The following PRKCG variants were observed in gnomAD, a reference collection of about 807,000 sequenced individuals.
PRKCG encodes protein kinase C gamma type.
A neutral mutation model predicts 82.0 loss-of-function variants in PRKCG; 28 were observed. That is an observed-to-expected ratio of 0.34 (90% CI 0.25 to 0.47). The LOEUF is 0.47. PRKCG is among the 20% of genes least tolerant of loss of function. The probability of loss-of-function intolerance (pLI) is 1.00; values close to 1 mark genes in which losing one functional copy is unlikely to be tolerated. For missense variants in PRKCG, 640 were observed against 952.7 expected, an observed-to-expected ratio of 0.67 and a Z score of 4.32; for synonymous variants, 383 against 376.6, an observed-to-expected ratio of 1.02 and a Z score of -0.20.
In PRKCG at chr19:53,906,454, C is replaced by A. The variant is rs1317474781; in HGVS notation, c.1902C>A (p.Arg634=). ...AGATCCCGCCTCCTTTCAGACCCCG[C>A]CCGGTCAGTCACCCTCCAGGCAACA... ...RLEIPPPFRP[R]PCGRSGENFD... The change falls in exon 17 of 18, where the codon CGC becomes CGA. Residue 634 remains arginine, a synonymous_variant. Coordinates refer to ENST00000263431, the MANE Select transcript of PRKCG (RefSeq NM_002739.5). 6.4e-7 allele frequency: 1 copy of A among 1,574,732 alleles called. No homozygotes were observed. The highest frequency in any genetic ancestry group is 8.6e-7 in the Non-Finnish European group (1 of 1,159,474).
At chr19:53,897,222 C>G (rs980824679) in intron 9 of PRKCG, among the ~76,000 whole-genome samples, 6 of 152,152 alleles carry the variant, frequency 3.9e-5, no homozygotes, top group Admixed American at 3.9e-4. Flanking sequence ...GAGACATGAC[C>G]TGGTTTATTT....
intron 16 of PRKCG, among the ~76,000 whole-genome samples, 193 bp from the exon 17 acceptor site, chr19:53,906,106 CTTCTTCTTCTTCTTTTCT>C (rs1414592499): frequency 3.0e-4 from 27 of 89,658 alleles, no homozygotes; most frequent in South Asian, 2.4e-3. Context: ...TCTTCTTCTT[CTTCTTCTTCTTCTTTTCT>C]TCTCTCTCTC....
At chr19:53,898,408 A>G (rs1447741203) in intron 10 of PRKCG, 32 bp from the exon 11 acceptor site, 7 of 1,613,566 alleles carry the variant, frequency 4.3e-6, no homozygotes, top group Non-Finnish European at 5.9e-6. Flanking sequence ...GGTTCCCAAC[A>G]TGGACTGGCC....
Position 53,882,421 on chromosome 19 carries a change from C to T in PRKCG, c.-74C>T, listed in dbSNP as rs1164408511. ...CTGTGGCTCCTTTGATCCTTCGAGT[C>T]TCCAGCTCCTCTCCCTTCCACCTGT... On this transcript the variant is annotated 5_prime_UTR_variant, in exon 1 of 18. Transcript: ENST00000263431. The surrounding 1 kb of genome is among the most constrained non-coding windows in gnomAD (Gnocchi z 6.1). The T allele has an allele frequency of 6.4e-7, 1 of 1,568,528 alleles. No homozygotes were observed. The highest frequency in any genetic ancestry group is 8.6e-7 in the Non-Finnish European group (1 of 1,156,308).
chr19:53,907,048 A>G lies in PRKCG; in HGVS notation c.*153A>G. 1 of 1,495,868 alleles carries G rather than the reference A, an allele frequency of 6.7e-7. No individual in the cohort carries two copies. The highest frequency in any genetic ancestry group is 2.5e-5 in the East Asian group (1 of 40,146). The allele number at this position is 1,495,868 out of a possible 1,614,324, so 92.7% of individuals were successfully genotyped here. On this transcript the variant is annotated 3_prime_UTR_variant, in exon 18 of 18. Coordinates refer to ENST00000263431, the MANE Select transcript of PRKCG (RefSeq NM_002739.5). Reference sequence around the variant, plus strand: ...CCCGCGGGTTCTAGACGCCCCTCCCAAGCGTTCCTGGCCTTCTGAACTCCA... The same window carrying G: ...CCCGCGGGTTCTAGACGCCCCTCCCGAGCGTTCCTGGCCTTCTGAACTCCA...
In PRKCG at chr19:53,889,511, T is replaced by G; in HGVS notation, c.286-127T>G. 1.4e-6 allele frequency: 1 copy of G among 717,824 alleles called. No individual in the cohort carries two copies. The highest frequency in any genetic ancestry group is 2.5e-6 in the Non-Finnish European group (1 of 397,358). 44.5% of individuals were successfully genotyped at this position (717,824 alleles called of 1,614,324 possible). ...CAGGTGCTCAATGATTATTGGTACA[T>G]AGAGTGAAAGAGATGGAGCCTCAGG... On this transcript the variant is annotated intron_variant, in intron 3 of 17. Coordinates refer to ENST00000263431, the MANE Select transcript of PRKCG (RefSeq NM_002739.5). The surrounding 1 kb of genome is among the most constrained non-coding windows in gnomAD (Gnocchi z 4.4).
chr19:53,896,696 A>G (rs955844830), intron 9 of PRKCG, among the ~76,000 whole-genome samples: 1 of 152,196 alleles, frequency 6.6e-6, no homozygotes, highest in African/African-American at 2.4e-5. Context: ...CTGGGATTAC[A>G]GGCATGAGCC....
rs759159351 is a variant in PRKCG, at chr19:53,898,003, C to T, written c.984C>T (p.Ser328=). The T allele has an allele frequency of 6.2e-7, 1 of 1,614,118 alleles. No homozygotes were observed. Among genetic ancestry groups the T allele is most frequent in the South Asian group, 1.1e-5 (1 of 91,084 alleles). ...GPSSSPIPSP[S]PSPTDPKRCF... ...CTTCCTCTCCCATCCCCTCCCCTTC[C>T]CCTAGTCCCACCGACCCCAAGCGCT... is the stretch of plus-strand genomic sequence containing the variant. Residue 328 remains serine, a synonymous_variant, in exon 10 of 18, where the codon TCC becomes TCT. Transcript: ENST00000263431.
At chr19:53,904,578 G>A (rs2123025394) in intron 15 of PRKCG, 57 bp from the exon 16 acceptor site, 2 of 1,510,580 alleles carry the variant, frequency 1.3e-6, no homozygotes, top group South Asian at 1.2e-5. Context: ...GGTGTGGAAG[G>A]TTTGGGGAAA....
At chr19:53,898,419 C>T (rs577421098) in intron 10 of PRKCG, 21 bp from the exon 11 acceptor site, 2 of 1,613,888 alleles carry the variant, frequency 1.2e-6, no homozygotes, top group East Asian at 2.2e-5. Context: ...TGGACTGGCC[C>T]TTTTGGAACT....
intron 8 of PRKCG, 141 bp from the exon 9 acceptor site, chr19:53,893,218 AGGG>A: frequency 8.1e-7 from 1 of 1,233,464 alleles, no homozygotes; most frequent in Non-Finnish European, 1.2e-6. Flanking sequence ...CTGCTCTTCT[AGGG>A]GACTCGAGCC....
Position 53,886,290 on chromosome 19 carries a change from T to C in PRKCG, c.285+2047T>C, listed in dbSNP as rs80185826. ...GGCCGGCTAATTTTTATATTTTTAG[T>C]AGACAGGGTTTCATCATGCTGGCCA... On this transcript the variant is annotated intron_variant, in intron 3 of 17. Coordinates refer to ENST00000263431, the MANE Select transcript of PRKCG (RefSeq NM_002739.5). Among the ~76,000 whole-genome samples the C allele has an allele frequency of 1.6e-4, 25 of 151,698 alleles. No individual in the cohort carries two copies. The East Asian group carries it at 4.2e-3, about 25-fold the overall frequency.
In PRKCG at chr19:53,898,458, A is replaced by AG; in HGVS notation, c.1115dup (p.Ser373LeufsTer2). 1 of 1,613,988 alleles carries AG rather than the reference A, an allele frequency of 6.2e-7. No individual in the cohort carries two copies. The highest frequency in any genetic ancestry group is 8.5e-7 in the Non-Finnish European group (1 of 1,180,016). ...CGCATAGGTGATGCTGGCCGAGCGC[A>AG]GGGGCTCTGATGAGCTCTACGCCAT... On this transcript the variant is annotated frameshift_variant, in exon 11 of 18. Coordinates refer to ENST00000263431, the MANE Select transcript of PRKCG (RefSeq NM_002739.5). LOFTEE classifies it high-confidence loss of function.
chr19:53,894,886 C>G (rs1219221942), intron 9 of PRKCG, among the ~76,000 whole-genome samples: 1 of 152,196 alleles, frequency 6.6e-6, no homozygotes, highest in Non-Finnish European at 1.5e-5. Flanking sequence ...CAACGAGGAG[C>G]AATGCTGCTG....
chr19:53,901,572 G>T (rs1599952559), intron 14 of PRKCG, among the ~76,000 whole-genome samples: 1 of 112,226 alleles, frequency 8.9e-6, no homozygotes, highest in Admixed American at 9.1e-5. Context: ...AAAAAAAAAA[G>T]CCGGGTGCAG....
At chr19:53,906,133 T>C (rs1267668272) in intron 16 of PRKCG, among the ~76,000 whole-genome samples, 184 bp from the exon 17 acceptor site, 4 of 123,356 alleles carry the variant, frequency 3.2e-5, no homozygotes, top group Non-Finnish European at 4.9e-5. Context: ...CTTCTCTCTC[T>C]CTCTCCTTTC....
In PRKCG at chr19:53,900,216, C is replaced by T; in HGVS notation, c.1282-17C>T. On this transcript the variant is annotated splice_polypyrimidine_tract_variant and intron_variant, in intron 11 of 17. Coordinates refer to ENST00000263431, the MANE Select transcript of PRKCG (RefSeq NM_002739.5). This position sits in a 1 kb window ranked among gnomAD's most constrained non-coding sequence, Gnocchi z 4.2. ...GGTAGATGGATCCCGCCTCTAAGCC[C>T]ATGCACTTCTCCGCAGGACCGCCTG... is the stretch of plus-strand genomic sequence containing the variant. The T allele has an allele frequency of 6.2e-7, 1 of 1,609,702 alleles. No homozygotes were observed. The highest frequency in any genetic ancestry group is 8.5e-7 in the Non-Finnish European group (1 of 1,175,998).
chr19:53,884,019 G>A lies in PRKCG; in HGVS notation c.203-142G>A. ...TCTGGCCTCCGATTTTCTCTCTGTT[G>A]GACTCTCTGTGTTGAGATCCCTCTC... On this transcript the variant is annotated intron_variant, in intron 2 of 17. Transcript: ENST00000263431. This position sits in a 1 kb window ranked among gnomAD's most constrained non-coding sequence, Gnocchi z 4.6. 1 of 794,168 alleles carries A rather than the reference G, an allele frequency of 1.3e-6. No homozygotes were observed. Among genetic ancestry groups the A allele is most frequent in the Non-Finnish European group, 2.1e-6 (1 of 467,632 alleles). 49.2% of individuals were successfully genotyped at this position (794,168 alleles called of 1,614,324 possible).
At chr19:53,898,222 A>C (rs2068731870) in intron 10 of PRKCG, 111 bp downstream of exon 10, 2 of 1,487,742 alleles carry the variant, frequency 1.3e-6, no homozygotes, top group East Asian at 2.4e-5. Flanking sequence ...TGCATCTTCA[A>C]ATATGGTTAG....
Sources: gnomAD v4.1 joint callset for allele counts (sites outside exome capture counted in the v4.1 genomes callset) on GRCh38, gnomAD v4.1.1 for gene constraint, Gnocchi (gnomAD v3.1) non-coding constraint, MANE v1.5 for transcripts, NCBI Gene and HGNC (gene_info 2026-07-23, HGNC 2026-07-21) for gene names.